POTEM: variants seen among roughly 807,000 people sequenced by gnomAD.
POTEM encodes putative POTE ankyrin domain family member M.
For synonymous variants in POTEM, 8 were observed against 113.2 expected, an observed-to-expected ratio of 0.07 and a Z score of 5.90; for missense variants, 24 against 343.0, an observed-to-expected ratio of 0.07 and a Z score of 7.35.
At position 19,002,692 on chromosome 14, in the gene POTEM, T is replaced by TTTTC. The variant is rs1297091932; in HGVS notation, c.*4027_*4028insTTTC. ...ACTCTCAGATGCCCATACCATAGTT[T>TTTTC]CTGTGCTAGTGGACCGTACCATATC... On this transcript the variant is annotated 3_prime_UTR_variant, in exon 11 of 11. Transcript: ENST00000547889. Among the ~76,000 whole-genome samples the TTTTC allele has an allele frequency of 6.6e-6, 1 of 152,204 alleles. No individual in the cohort carries two copies. Among genetic ancestry groups the TTTTC allele is most frequent in the African/African-American group, 2.4e-5 (1 of 41,448 alleles).
At chr14:18,985,928 A>AAT (rs1195575990) in intron 7 of POTEM, among the ~76,000 whole-genome samples, 1 of 79,802 alleles carries the variant, frequency 1.3e-5, no homozygotes, top group African/African-American at 5.7e-5. Flanking sequence ...AAAAAAAAAA[A>AAT]ATATTTTAAT....
chr14:18,973,348 A>AT, intron 3 of POTEM, 141 bp downstream of exon 3: 1 of 263,516 alleles, frequency 3.8e-6, no homozygotes. Context: ...ATTATCTAAG[A>AT]TTTTATTTTA....
chr14:18,995,921 C>CTT (rs1891288935), intron 9 of POTEM, among the ~76,000 whole-genome samples: 3 of 142,134 alleles, frequency 2.1e-5, no homozygotes, highest in Admixed American at 7.1e-5. Flanking sequence ...GATATGAACT[C>CTT]TCAGCTTGGT....
intron 7 of POTEM, among the ~76,000 whole-genome samples, chr14:18,985,912 A>G (rs1891171394): frequency 4.7e-5 from 6 of 128,694 alleles, no homozygotes; most frequent in African/African-American, 1.6e-4. Context: ...TCAAAAAAAA[A>G]AAAAAAAAAA....
At chr14:18,996,296 A>G (rs1480674142) in intron 9 of POTEM, among the ~76,000 whole-genome samples, 2,045 of 145,932 alleles carry the variant, frequency 0.014, 1 homozygote, top group Admixed American at 0.059. Flanking sequence ...GTCTTGTTCT[A>G]AAAGGAATTT....
In POTEM at chr14:18,999,515, G is replaced by C. The variant is rs1195322517; in HGVS notation, c.*850G>C. Reference sequence around the variant, plus strand: ...TCGTGCGTGACATCACAGAGAAGCTGTGCTATGTTGCCCTGGACTTCGAGC... The same window carrying C: ...TCGTGCGTGACATCACAGAGAAGCTCTGCTATGTTGCCCTGGACTTCGAGC... On this transcript the variant is annotated 3_prime_UTR_variant, in exon 11 of 11. Coordinates refer to ENST00000547889, the MANE Select transcript of POTEM (RefSeq NM_001145442.1). Among the ~76,000 whole-genome samples the C allele has an allele frequency of 9.5e-6, 1 of 105,468 alleles. No homozygotes were observed. Among genetic ancestry groups the C allele is most frequent in the Non-Finnish European group, 2.2e-5 (1 of 45,064 alleles). 69.2% of individuals were successfully genotyped at this position (105,468 alleles called of 152,430 possible). A position where few individuals can be genotyped will look rare whatever the true frequency, so the allele number is the denominator to read the frequency against.
At chr14:18,968,442 T>A (rs535161549) in intron 1 of POTEM, among the ~76,000 whole-genome samples, 26 of 152,326 alleles carry the variant, frequency 1.7e-4, no homozygotes, top group African/African-American at 6.3e-4. Context: ...TATGTAAATA[T>A]GTTCTTTACT....
intron 1 of POTEM, among the ~76,000 whole-genome samples, chr14:18,968,739 C>T (rs1157729783): frequency 6.6e-5 from 10 of 152,246 alleles, no homozygotes; most frequent in East Asian, 1.9e-4. Flanking sequence ...AGGAGAATGG[C>T]GTGAACCCGG....
chr14:18,996,969 T>C (rs1891315269), intron 9 of POTEM, 72 bp from the exon 10 acceptor site: 1 of 632,664 alleles, frequency 1.6e-6, no homozygotes, highest in African/African-American at 1.8e-5. Context: ...TGACATCTGA[T>C]GGCGCCATCT....
rs1891417709 is a variant in POTEM at position 19,003,123 on chromosome 14, ACGCAGTC to A, written c.*4460_*4466del. On this transcript the variant is annotated 3_prime_UTR_variant, in exon 11 of 11. Coordinates refer to ENST00000547889, the MANE Select transcript of POTEM (RefSeq NM_001145442.1). ...AATGCAGTGAAGAACGCAGTGAATTACGCAGTCCAGTGATGCTAAAAACCAACCACAT... is the reference window on the plus strand; with the variant it reads ...AATGCAGTGAAGAACGCAGTGAATTACAGTGATGCTAAAAACCAACCACAT... Among the ~76,000 whole-genome samples the A allele has an allele frequency of 6.7e-6, 1 of 149,570 alleles. No individual in the cohort carries two copies. Among genetic ancestry groups the A allele is most frequent in the African/African-American group, 2.5e-5 (1 of 40,306 alleles).
At position 18,998,981 on chromosome 14, in the gene POTEM, C is replaced by A; in HGVS notation, c.*316C>A. On this transcript the variant is annotated 3_prime_UTR_variant, in exon 11 of 11. Coordinates refer to ENST00000547889, the MANE Select transcript of POTEM (RefSeq NM_001145442.1). ...TCTTCCCTTCCATCGTGGGGTGCCC[C>A]AGGCACCAGAACATGATGGGGGGCA... The A allele has an allele frequency of 6.4e-6, 1 of 155,800 alleles. No homozygotes were observed. The highest frequency in any genetic ancestry group is 1.2e-5 in the Non-Finnish European group (1 of 84,052). The allele number at this position is 155,800 out of a possible 1,614,324, so 9.7% of individuals were successfully genotyped here. A position where few individuals can be genotyped will look rare whatever the true frequency, so the allele number is the denominator to read the frequency against.
chr14:18,968,697 C>T (rs1196682249), intron 1 of POTEM, among the ~76,000 whole-genome samples: 1 of 152,190 alleles, frequency 6.6e-6, no homozygotes, highest in East Asian at 1.9e-4. Context: ...GTGGCAGGCA[C>T]CTGTAGTCCC....
At chr14:18,987,649 GCTC>G (rs1891212276) in intron 8 of POTEM, among the ~76,000 whole-genome samples, 1 of 144,432 alleles carries the variant, frequency 6.9e-6, no homozygotes, top group African/African-American at 2.5e-5. Context: ...GTTTCACTCT[GCTC>G]CTTATGTTGT....
chr14:18,991,068 G>A (rs1891238655), intron 9 of POTEM, among the ~76,000 whole-genome samples: 1 of 118,932 alleles, frequency 8.4e-6, no homozygotes, highest in African/African-American at 2.8e-5. Context: ...ATTTTTAGTA[G>A]TGACAGGGTT....
At chr14:18,968,788 A>G (rs1890826095) in intron 1 of POTEM, among the ~76,000 whole-genome samples, 1 of 152,298 alleles carries the variant, frequency 6.6e-6, no homozygotes, top group Admixed American at 6.5e-5. Context: ...ACGCCACTGT[A>G]CTCCAGCCTG....
At chr14:18,980,859 T>C (rs1594275061) in intron 6 of POTEM, 1 of 140,200 alleles carries the variant, frequency 7.1e-6, no homozygotes, top group Non-Finnish European at 1.5e-5. Flanking sequence ...AAGAGATATA[T>C]TGACTTTTTT....
At chr14:18,969,342 CATATATATACATGTGTATATATATATAT>C (rs1890851025) in intron 1 of POTEM, among the ~76,000 whole-genome samples, 2 of 89,516 alleles carry the variant, frequency 2.2e-5, no homozygotes, top group Admixed American at 1.0e-4. Context: ...TACGTATATA[CATATATATACATGTGTATATATATATAT>C]ATATATATAC....
At chr14:18,968,420 A>C (rs1358362587) in intron 1 of POTEM, among the ~76,000 whole-genome samples, 1 of 152,382 alleles carries the variant, frequency 6.6e-6, no homozygotes, top group Non-Finnish European at 1.5e-5. Flanking sequence ...TGGATTTTAT[A>C]TCAATGTACA....
At position 19,002,948 on chromosome 14, in the gene POTEM, C is replaced by T. The variant is rs1447771775; in HGVS notation, c.*4283C>T. Among the ~76,000 whole-genome samples, 1 of 152,226 alleles carries T rather than the reference C, an allele frequency of 6.6e-6. No homozygotes were observed. The highest frequency in any genetic ancestry group is 2.4e-5 in the African/African-American group (1 of 41,444). On this transcript the variant is annotated 3_prime_UTR_variant, in exon 11 of 11. Coordinates refer to ENST00000547889, the MANE Select transcript of POTEM (RefSeq NM_001145442.1). ...TTTCAGCCCATAATTTCATGTCCAG[C>T]AAAATTAGGCATCATAAGTGAAGGA...
Sources: gnomAD v4.1 joint callset for allele counts (sites outside exome capture counted in the v4.1 genomes callset) on GRCh38, gnomAD v4.1.1 for gene constraint, MANE v1.5 for transcripts, NCBI Gene and HGNC (gene_info 2026-07-23, HGNC 2026-07-21) for gene names.